Variants in SP140 observed in about 807,000 individuals in gnomAD.
SP140 encodes SP140 nuclear body protein.
Under a neutral mutation model 125.0 loss-of-function variants are expected in SP140, and 81 were observed. The observed-to-expected ratio is 0.65, with a 90% confidence interval of 0.54 to 0.78. The LOEUF (loss-of-function observed/expected upper bound fraction) is 0.78. Ranked by LOEUF, SP140 falls within the 30% of genes least tolerant of loss-of-function variation. The pLI is 0.00. For missense variants in SP140, 858 were observed against 1,037.0 expected (o/e 0.83, Z 2.37); for synonymous variants, 312 against 354.0 (o/e 0.88, Z 1.33).
chr2:230,212,708 A>C, intron 1 of SP140: 1 of 1,608,426 alleles, frequency 6.2e-7, no homozygotes, highest in East Asian at 2.2e-5. Context: ...GCAACATGGC[A>C]CAGGCACCTT....
At chr2:230,199,096 C>A (rs1381762279), upstream of SP140, among the ~76,000 whole-genome samples, 1 of 151,174 alleles carries the variant, frequency 6.6e-6, no homozygotes, top group Non-Finnish European at 1.5e-5. Context: ...ATGACACCAG[C>A]TCTTGACCAC....
At chr2:230,283,009 C>T (rs911687461) in intron 15 of SP140, among the ~76,000 whole-genome samples, 2 of 152,194 alleles carry the variant, frequency 1.3e-5, no homozygotes, top group African/African-American at 4.8e-5. Flanking sequence ...GTCCATGTCA[C>T]CAACCAGGTG....
chr2:230,215,148 A>G, intron 3 of SP140: 1 of 1,563,224 alleles, frequency 6.4e-7, no homozygotes, highest in Non-Finnish European at 8.8e-7. Flanking sequence ...GTTTTTATAA[A>G]TGACTATAAA....
chr2:230,256,417 A>T (rs1292465892), intron 12 of SP140, among the ~76,000 whole-genome samples: 1 of 151,752 alleles, frequency 6.6e-6, no homozygotes, highest in African/African-American at 2.4e-5. Flanking sequence ...GCAAACTATC[A>T]CAAGGACAAA....
chr2:230,280,130 T>G (rs1268054765), intron 15 of SP140, among the ~76,000 whole-genome samples: 1 of 152,210 alleles, frequency 6.6e-6, no homozygotes, highest in Non-Finnish European at 1.5e-5. Context: ...CATACAAATG[T>G]GTTAAATTCT....
At chr2:230,283,428 A>C (rs1393165067) in intron 15 of SP140, among the ~76,000 whole-genome samples, 2 of 152,200 alleles carry the variant, frequency 1.3e-5, no homozygotes, top group African/African-American at 4.8e-5. Flanking sequence ...GCCTGGAGTT[A>C]AATCTGAATC....
intron 15 of SP140, chr2:230,270,931 C>T (rs1413039630): frequency 6.9e-6 from 3 of 437,740 alleles, no homozygotes; most frequent in African/African-American, 6.1e-5. Context: ...GAGTGGAAAA[C>T]TTTTCCTGGC....
rs2059430392 is a variant in SP140, at chr2:230,312,819, T to C, written c.*135T>C. 3.1e-6 allele frequency: 2 copies of C among 647,258 alleles called. No homozygotes were observed. The highest frequency in any genetic ancestry group is 1.9e-5 in the African/African-American group (1 of 53,610). The allele number at this position is 647,258 out of a possible 1,614,324, so 40.1% of individuals were successfully genotyped here. On this transcript the variant is annotated 3_prime_UTR_variant, in exon 27 of 27. Coordinates refer to ENST00000392045, the MANE Select transcript of SP140 (RefSeq NM_007237.5). ...GGCTTTTCTCTGAGCCTCCTTCATCTGCCCAAAGACAAATCCTCAAAAGGA... is the reference window on the plus strand; with the variant it reads ...GGCTTTTCTCTGAGCCTCCTTCATCCGCCCAAAGACAAATCCTCAAAAGGA...
chr2:230,283,796 G>A (rs578047793), intron 15 of SP140, among the ~76,000 whole-genome samples: 19 of 152,304 alleles, frequency 1.2e-4, no homozygotes, highest in South Asian at 8.3e-4. Context: ...TCACCATAGC[G>A]TTCCTGGAGT....
At chr2:230,236,949 G>C (rs2048099259) in intron 1 of SP140, 134 bp from the exon 2 acceptor site, 1 of 558,104 alleles carries the variant, frequency 1.8e-6, no homozygotes, top group Non-Finnish European at 3.0e-6. Context: ...CATTCATTCT[G>C]GTCTCCCTAC....
At chr2:230,291,121 T>C (rs1206312480) in intron 19 of SP140, among the ~76,000 whole-genome samples, 1 of 152,252 alleles carries the variant, frequency 6.6e-6, no homozygotes, top group East Asian at 1.9e-4. Context: ...CATATTGATG[T>C]AAAATATGTA....
At chr2:230,244,353 C>A (rs2049116980) in intron 5 of SP140, among the ~76,000 whole-genome samples, 1 of 152,188 alleles carries the variant, frequency 6.6e-6, no homozygotes, top group African/African-American at 2.4e-5. Context: ...TGTGTAAGGT[C>A]TTTTACCAGG....
In SP140 at chr2:230,257,919, A is replaced by C. The variant is rs75499589; in HGVS notation, c.1240+2387A>C. ...GGATCTCGGTGACTGGCGGCCTTCA[A>C]AAGTGAGATTTGTTAGTGGTTAGCT... On this transcript the variant is annotated intron_variant, in intron 12 of 26. Coordinates refer to ENST00000392045, the MANE Select transcript of SP140 (RefSeq NM_007237.5). 1.5e-3 allele frequency among the ~76,000 whole-genome samples: 228 copies of C among 150,450 alleles called. 4 individuals carry two copies. The East Asian group carries it at 0.043, about 28-fold the overall frequency.
intron 14 of SP140, 104 bp from the exon 15 acceptor site, chr2:230,270,482 A>G: frequency 8.7e-7 from 1 of 1,153,960 alleles, no homozygotes; most frequent in Non-Finnish European, 1.2e-6. Context: ...ATGATTATCC[A>G]AGCATCTGTA....
At chr2:230,209,848 C>G (rs2044275708) in intron 1 of SP140, 1 of 837,518 alleles carries the variant, frequency 1.2e-6, no homozygotes, top group Admixed American at 1.7e-5. Flanking sequence ...CATAGTGGTG[C>G]TCTTGACAAG....
intron 1 of SP140, among the ~76,000 whole-genome samples, chr2:230,229,625 G>A (rs865993790): frequency 6.6e-6 from 1 of 151,218 alleles, no homozygotes; most frequent in Admixed American, 6.6e-5. Flanking sequence ...CCACCACCAC[G>A]CCTGGCTAAT....
chr2:230,239,915 C>A (rs2048482503), intron 3 of SP140, among the ~76,000 whole-genome samples: 1 of 152,178 alleles, frequency 6.6e-6, no homozygotes, highest in Admixed American at 6.5e-5. Flanking sequence ...CTACTGCCCA[C>A]ATCTCAGGGG....
chr2:230,241,305 G>A, intron 3 of SP140, 99 bp from the exon 4 acceptor site: 2 of 754,810 alleles, frequency 2.6e-6, no homozygotes, highest in Admixed American at 2.1e-5. Flanking sequence ...TCGGGGGTGG[G>A]AGATCCTGGG....
chr2:230,286,839 C>G (rs2056448120), intron 17 of SP140, among the ~76,000 whole-genome samples: 2 of 152,262 alleles, frequency 1.3e-5, no homozygotes, highest in Middle Eastern at 3.4e-3. Flanking sequence ...CACTTTGGGT[C>G]TGATTGGTCC....
Sources: gnomAD v4.1 joint callset for allele counts (sites outside exome capture counted in the v4.1 genomes callset) on GRCh38, gnomAD v4.1.1 for gene constraint, MANE v1.5 for transcripts, NCBI Gene and HGNC (gene_info 2026-07-23, HGNC 2026-07-21) for gene names.